ARHGEF10L: variants seen among roughly 807,000 people sequenced by gnomAD.
ARHGEF10L encodes the protein Rho guanine nucleotide exchange factor 10 like.
ARHGEF10L carries 69 observed loss-of-function variants against 141.2 expected under a neutral mutation model. That is an observed-to-expected ratio of 0.49 (90% CI 0.40 to 0.60). ARHGEF10L has a LOEUF of 0.60. Among genes scored for constraint, ARHGEF10L ranks in the 20% least tolerant of loss-of-function variants. ARHGEF10L has a pLI of 0.00. For synonymous variants in ARHGEF10L, 711 were observed against 718.5 expected, an observed-to-expected ratio of 0.99 and a Z score of 0.17; for missense variants, 1,482 against 1,734.3, an observed-to-expected ratio of 0.85 and a Z score of 2.58.
At position 17,648,592 on chromosome 1, in the gene ARHGEF10L, G is replaced by A; in HGVS notation, c.2311G>A (p.Asp771Asn). The change falls in exon 22 of 29, where the codon GAC (aspartate) becomes AAC (asparagine). Residue 771 changes from aspartate to asparagine, a missense_variant. Coordinates refer to ENST00000361221, the MANE Select transcript of ARHGEF10L (RefSeq NM_018125.4). ...NQPGWLCPDE[D>N]KKSKAPFWCP... Reference sequence around the variant, plus strand: ...GCCAGGCTGGCTATGCCCGGATGAGGACAAGAAGAGCAAAGCCCCATTCTG... The same window carrying A: ...GCCAGGCTGGCTATGCCCGGATGAGAACAAGAAGAGCAAAGCCCCATTCTG... 1.2e-6 allele frequency: 2 copies of A among 1,613,736 alleles called. No individual in the cohort carries two copies. Among genetic ancestry groups the A allele is most frequent in the Non-Finnish European group, 1.7e-6 (2 of 1,180,022 alleles).
chr1:17,537,353 T>C (rs548072927), upstream of ARHGEF10L, among the ~76,000 whole-genome samples: 2 of 152,194 alleles, frequency 1.3e-5, no homozygotes, highest in Non-Finnish European at 2.9e-5. Context: ...TGATAAGGGT[T>C]CTAGGGTGTC....
At chr1:17,616,731 G>T (rs1484803293) in intron 9 of ARHGEF10L, among the ~76,000 whole-genome samples, 1 of 152,228 alleles carries the variant, frequency 6.6e-6, no homozygotes, top group Non-Finnish European at 1.5e-5. Context: ...GTCCACTGGG[G>T]TGCCCTGGGG....
intron 7 of ARHGEF10L, among the ~76,000 whole-genome samples, chr1:17,612,843 G>A (rs1035463462): frequency 6.6e-6 from 1 of 152,224 alleles, no homozygotes; most frequent in Non-Finnish European, 1.5e-5. Flanking sequence ...CCAGCTGCCT[G>A]GCATGGTGGG....
At chr1:17,537,471 T>C (rs1193369318), upstream of ARHGEF10L, among the ~76,000 whole-genome samples, 1 of 152,172 alleles carries the variant, frequency 6.6e-6, no homozygotes, top group African/African-American at 2.4e-5. Flanking sequence ...GGCTGTATCA[T>C]AGCTGCCCTC....
chr1:17,682,224 A>T (rs1317121891), intron 26 of ARHGEF10L, among the ~76,000 whole-genome samples: 1 of 152,178 alleles, frequency 6.6e-6, no homozygotes, highest in Non-Finnish European at 1.5e-5. Flanking sequence ...GGACAGGGCC[A>T]GGGAAGAACT....
At chr1:17,523,777 C>T in the ARHGEF10L span, among the ~76,000 whole-genome samples, 1 of 152,136 alleles carries the variant, frequency 6.6e-6, no homozygotes, top group Non-Finnish European at 1.5e-5. Flanking sequence ...TTAAACAAGC[C>T]ACTCAATCTC....
chr1:17,675,554 CGTGCAGATGTGT>C (rs2063601208), intron 26 of ARHGEF10L, among the ~76,000 whole-genome samples: 1 of 119,988 alleles, frequency 8.3e-6, no homozygotes, highest in Non-Finnish European at 1.8e-5. Context: ...TGCAGGTGTG[CGTGCAGATGTGT>C]GTGCAGGTGT....
chr1:17,634,204 C>T (rs1571118695), intron 16 of ARHGEF10L: 1 of 436,162 alleles, frequency 2.3e-6, no homozygotes, highest in East Asian at 4.7e-5. Context: ...CCCTCTCTGC[C>T]TTCATGTTGC....
At position 17,654,619 on chromosome 1, in the gene ARHGEF10L, C is replaced by T. The variant is rs773741873; in HGVS notation, c.2395-17C>T. 2.2e-5 allele frequency: 35 copies of T among 1,611,344 alleles called. No homozygotes were observed. Among genetic ancestry groups the T allele is most frequent in the East Asian group, 1.3e-4 (6 of 44,858 alleles). The stretch of plus-strand genomic sequence containing the variant: ...CCTTGATGATTAACCTCACATGTAC[C>T]GTCTCTGTCTCTGCAGCTTGGGGCC... On this transcript the variant is annotated splice_polypyrimidine_tract_variant and intron_variant, in intron 22 of 28. Transcript: ENST00000361221. The surrounding 1 kb of genome is among the most constrained non-coding windows in gnomAD (Gnocchi z 4.3).
chr1:17,559,826 G>C (rs1437891643), intron 1 of ARHGEF10L, among the ~76,000 whole-genome samples: 1 of 152,114 alleles, frequency 6.6e-6, no homozygotes, highest in African/African-American at 2.4e-5. Flanking sequence ...TGGGGAGGGT[G>C]ACTGTCCTCC....
In ARHGEF10L at chr1:17,558,042, CCATT is replaced by C. The variant is rs1455721414; in HGVS notation, c.-44+18097_-44+18100del. The stretch of plus-strand genomic sequence containing the variant: ...CCCACTCGCCCATTCATTCATCTCT[CCATT>C]CATTTACCCACCCACCCGTGCATCC... On this transcript the variant is annotated intron_variant, in intron 1 of 28. Coordinates refer to ENST00000361221, the MANE Select transcript of ARHGEF10L (RefSeq NM_018125.4). The surrounding 1 kb of genome is among the most constrained non-coding windows in gnomAD (Gnocchi z 4.2). Among the ~76,000 whole-genome samples, 2 of 151,836 alleles carry C rather than the reference CCATT, an allele frequency of 1.3e-5. No individual in the cohort carries two copies. The highest frequency in any genetic ancestry group is 2.9e-5 in the Non-Finnish European group (2 of 67,926).
chr1:17,642,912 A>G (rs2061405034), intron 21 of ARHGEF10L, among the ~76,000 whole-genome samples: 2 of 152,258 alleles, frequency 1.3e-5, no homozygotes, highest in Middle Eastern at 3.4e-3. Flanking sequence ...TTTGAACCGC[A>G]TGTGCTTTGC....
At chr1:17,695,597 C>G (rs2065438873) in intron 28 of ARHGEF10L, among the ~76,000 whole-genome samples, 1 of 152,242 alleles carries the variant, frequency 6.6e-6, no homozygotes. Context: ...TCAAGATGTC[C>G]AGGCTCCAGA....
At chr1:17,538,692 T>C (rs1420953889), upstream of ARHGEF10L, among the ~76,000 whole-genome samples, 1 of 90,512 alleles carries the variant, frequency 1.1e-5, no homozygotes, top group Non-Finnish European at 2.2e-5. Context: ...TAGGGAGTAG[T>C]TAAAAAAAAA....
chr1:17,575,226 C>T (rs546486108), intron 1 of ARHGEF10L, among the ~76,000 whole-genome samples: 1 of 152,306 alleles, frequency 6.6e-6, no homozygotes, highest in South Asian at 2.1e-4. Context: ...TGTACCTGTC[C>T]CAGCACCACC....
chr1:17,675,376 C>T (rs1297007680), intron 26 of ARHGEF10L, among the ~76,000 whole-genome samples: 4 of 152,170 alleles, frequency 2.6e-5, no homozygotes, highest in Non-Finnish European at 5.9e-5. Flanking sequence ...TTGGTGATGC[C>T]CCCTCTGGCT....
At chr1:17,584,669 C>G (rs1397166443) in intron 2 of ARHGEF10L, among the ~76,000 whole-genome samples, 2 of 152,150 alleles carry the variant, frequency 1.3e-5, no homozygotes, top group Non-Finnish European at 2.9e-5. Context: ...CAGTAAAGAT[C>G]TGAAAGAGGG....
the ARHGEF10L span, among the ~76,000 whole-genome samples, chr1:17,524,364 T>TACGCAC: frequency 8.6e-6 from 1 of 116,030 alleles, no homozygotes; most frequent in African/African-American, 3.4e-5. Context: ...ACCCCGTCTC[T>TACGCAC]ACACACACAC....
chr1:17,633,736 A>G (rs1411223544), intron 16 of ARHGEF10L, among the ~76,000 whole-genome samples: 1 of 152,184 alleles, frequency 6.6e-6, no homozygotes, highest in Non-Finnish European at 1.5e-5. Flanking sequence ...ACCTCAGTGG[A>G]ATGTGAATCC....
Sources: gnomAD v4.1 joint callset for allele counts (sites outside exome capture counted in the v4.1 genomes callset) on GRCh38, gnomAD v4.1.1 for gene constraint, Gnocchi (gnomAD v3.1) non-coding constraint, MANE v1.5 for transcripts, NCBI Gene and HGNC (gene_info 2026-07-23, HGNC 2026-07-21) for gene names.